The following NIPSNAP2 variants were observed in gnomAD, a reference collection of about 807,000 sequenced individuals.
The protein encoded by NIPSNAP2 is nipsnap homolog 2.
A neutral mutation model predicts 48.4 loss-of-function variants in NIPSNAP2; 42 were observed. That is an observed-to-expected ratio of 0.87 (90% CI 0.68 to 1.12). The LOEUF (loss-of-function observed/expected upper bound fraction) is 1.12, where lower values mean the gene tolerates loss of function less well. Among genes scored for constraint, NIPSNAP2 ranks in the 50% most tolerant of loss-of-function variants. The pLI is 0.00. For synonymous variants in NIPSNAP2, 158 were observed against 126.6 expected (o/e 1.25, Z -1.67); for missense variants, 314 against 347.3 (o/e 0.90, Z 0.76).
Position 55,982,326 on chromosome 7 carries a change from G to A in NIPSNAP2, c.444+46G>A, listed in dbSNP as rs375166255. On this transcript the variant is annotated intron_variant, in intron 5 of 9. Coordinates refer to ENST00000322090, the MANE Select transcript of NIPSNAP2 (RefSeq NM_001483.3). Reference sequence around the variant, plus strand: ...TTACTTAGACTAATGATATATAGATGTTAGTACAGAATTAAATGACTTTTC... The same window carrying A: ...TTACTTAGACTAATGATATATAGATATTAGTACAGAATTAAATGACTTTTC... 9.6e-5 allele frequency: 104 copies of A among 1,086,856 alleles called. No homozygotes were observed. In the Middle Eastern group the frequency reaches 1.1e-3, roughly 11 times the overall value. 67.3% of individuals were successfully genotyped at this position (1,086,856 alleles called of 1,614,324 possible).
At chr7:55,984,584 T>A (rs571685011) in intron 6 of NIPSNAP2, among the ~76,000 whole-genome samples, 23 of 152,036 alleles carry the variant, frequency 1.5e-4, no homozygotes, top group African/African-American at 4.3e-4. Context: ...CCAGGCATGG[T>A]GGCGGGCGCC....
chr7:55,993,262 G>T (rs1445626125), intron 7 of NIPSNAP2, among the ~76,000 whole-genome samples: 1 of 151,416 alleles, frequency 6.6e-6, no homozygotes, highest in Non-Finnish European at 1.5e-5. Context: ...TCCCGCCACT[G>T]CACTCCTGAG....
chr7:55,981,386 G>A, intron 3 of NIPSNAP2, 87 bp from the exon 4 acceptor site: 1 of 845,006 alleles, frequency 1.2e-6, no homozygotes, highest in Non-Finnish European at 2.0e-6. Context: ...AGAGTAGGTG[G>A]TCTTTTTCCT....
chr7:55,968,993 G>C (rs1055191881), intron 1 of NIPSNAP2, among the ~76,000 whole-genome samples: 1 of 151,610 alleles, frequency 6.6e-6, no homozygotes, highest in Non-Finnish European at 1.5e-5. Flanking sequence ...GCTGAAGTGA[G>C]CCGAGATCGC....
rs1787230048 is a variant in NIPSNAP2, at chr7:55,982,248, A to G, written c.412A>G (p.Thr138Ala). The G allele has an allele frequency of 6.2e-7, 1 of 1,609,610 alleles. No individual in the cohort carries two copies. The highest frequency in any genetic ancestry group is 1.7e-5 in the Admixed American group (1 of 59,958). ...WRYEGGYPAL[T>A]EVMNKLRENK... is the part of the protein sequence containing the mutation. ...GTATGAAGGAGGCTATCCAGCCCTC[A>G]CAGAAGTCATGAATAAACTCAGAGA... The change falls in exon 5 of 10, where the codon ACA (threonine) becomes GCA (alanine). Residue 138 changes from threonine to alanine, a missense_variant. Transcript: ENST00000322090.
intron 3 of NIPSNAP2, chr7:55,981,077 T>C (rs1787205596): frequency 6.5e-6 from 1 of 152,968 alleles, no homozygotes; most frequent in South Asian, 2.1e-4. Context: ...TCTTCTGTGT[T>C]CTTTTCTACT....
At chr7:55,993,160 G>A (rs912642290) in intron 7 of NIPSNAP2, among the ~76,000 whole-genome samples, 9 of 151,904 alleles carry the variant, frequency 5.9e-5, no homozygotes, top group East Asian at 1.9e-4. Context: ...TTAGCCAGGC[G>A]TGGTGGTGCA....
intron 1 of NIPSNAP2, among the ~76,000 whole-genome samples, chr7:55,968,801 G>A (rs543948260): frequency 2.6e-5 from 4 of 152,184 alleles, no homozygotes; most frequent in South Asian, 2.1e-4. Flanking sequence ...CAAGGCTCAC[G>A]GATCACATGA....
intron 1 of NIPSNAP2, among the ~76,000 whole-genome samples, chr7:55,966,520 A>G (rs780384665): frequency 2.0e-5 from 3 of 152,054 alleles, no homozygotes; most frequent in Non-Finnish European, 2.9e-5. Flanking sequence ...GCAGTGGCTC[A>G]GGCTGTAATC....
chr7:55,970,289 A>G (rs899407101), intron 1 of NIPSNAP2, among the ~76,000 whole-genome samples: 6 of 149,426 alleles, frequency 4.0e-5, no homozygotes, highest in Non-Finnish European at 5.9e-5. Context: ...CGCTCCTGCC[A>G]GGCTGCTTTT....
At chr7:55,974,614 C>T (rs897614852) in intron 1 of NIPSNAP2, among the ~76,000 whole-genome samples, 8 of 151,950 alleles carry the variant, frequency 5.3e-5, no homozygotes, top group Admixed American at 1.3e-4. Flanking sequence ...TTTGGGAGGC[C>T]GAGGCAGGCG....
At position 55,978,393 on chromosome 7, in the gene NIPSNAP2, T is replaced by C; in HGVS notation, c.276T>C (p.Ile92=). The change falls in exon 3 of 10, where the codon ATT becomes ATC. Residue 92 remains isoleucine, a splice_region_variant and synonymous_variant. Coordinates refer to ENST00000322090, the MANE Select transcript of NIPSNAP2 (RefSeq NM_001483.3). ...AATGCCTAGAAGCATACAACAAAAT[T>C]TGGTGTGTATACCAAACTATCCTTT... is the stretch of plus-strand genomic sequence containing the variant. The part of the protein sequence containing the change: ...KPECLEAYNK[I]CQEVLPKIHE... The C allele has an allele frequency of 6.2e-7, 1 of 1,611,210 alleles. No individual in the cohort carries two copies.
intron 1 of NIPSNAP2, among the ~76,000 whole-genome samples, chr7:55,969,402 T>C (rs1786966753): frequency 6.6e-6 from 1 of 152,194 alleles, no homozygotes; most frequent in Admixed American, 6.5e-5. Flanking sequence ...CCTTCACTGG[T>C]TCTGCTTAGA....
intron 3 of NIPSNAP2, 136 bp from the exon 4 acceptor site, chr7:55,981,337 C>A (rs933039236): frequency 1.6e-6 from 1 of 623,768 alleles, no homozygotes. Context: ...CTCCACATGC[C>A]GTTTTATCAT....
intron 1 of NIPSNAP2, among the ~76,000 whole-genome samples, chr7:55,977,900 A>G (rs956743129): frequency 5.3e-5 from 8 of 152,224 alleles, no homozygotes; most frequent in Admixed American, 2.6e-4. Context: ...CACATAGTGC[A>G]AATTGCAAAG....
intron 5 of NIPSNAP2, 25 bp from the exon 6 acceptor site, chr7:55,983,703 A>C: frequency 6.2e-7 from 1 of 1,612,742 alleles, no homozygotes; most frequent in Non-Finnish European, 8.5e-7. Context: ...AGAAGATTTC[A>C]TGAGCACATT....
Position 55,981,541 on chromosome 7 carries a change from C to T in NIPSNAP2, c.347C>T (p.Thr116Met), listed in dbSNP as rs1433556327. 1.9e-6 allele frequency: 3 copies of T among 1,613,676 alleles called. No homozygotes were observed. The highest frequency in any genetic ancestry group is 1.7e-5 in the Admixed American group (1 of 59,962). The change falls in exon 4 of 10, where the codon ACG (threonine) becomes ATG (methionine). Residue 116 changes from threonine (T) to methionine (M), a missense_variant. By Grantham distance (81) the Thr-to-Met change is moderately conservative. This residue lies in a region of NIPSNAP2 where 198 missense variants were observed against 185.5 expected (regional missense o/e 1.07). Transcript: ENST00000322090. ...YPCTLVGTWNTWYGEQDQAVH... is the reference protein window; with the variant it reads ...YPCTLVGTWNMWYGEQDQAVH... ...TGTACTTTGGTGGGGACTTGGAACA[C>T]GTGGTATGGCGAGCAGGACCAAGCT...
intron 1 of NIPSNAP2, among the ~76,000 whole-genome samples, chr7:55,966,651 A>G (rs1786901699): frequency 6.6e-6 from 1 of 152,064 alleles, no homozygotes. Context: ...GCATGGTGGC[A>G]CACGCCTGTA....
At chr7:55,979,667 C>G in intron 3 of NIPSNAP2, 1 of 423,412 alleles carries the variant, frequency 2.4e-6, no homozygotes. Flanking sequence ...CCTTCCTGCC[C>G]TGCAATACAT....
Sources: gnomAD v4.1 joint callset for allele counts (sites outside exome capture counted in the v4.1 genomes callset) on GRCh38, gnomAD v4.1.1 for gene constraint, gnomAD v4.1.1 regional missense constraint, MANE v1.5 for transcripts, NCBI Gene and HGNC (gene_info 2026-07-23, HGNC 2026-07-21) for gene names.